KCNT2: variants seen among roughly 807,000 people sequenced by gnomAD.
The protein encoded by KCNT2 is potassium channel subfamily T member 2.
A neutral mutation model predicts 153.8 loss-of-function variants in KCNT2; 67 were observed. That is an observed-to-expected ratio of 0.44 (90% CI 0.36 to 0.53). The LOEUF (loss-of-function observed/expected upper bound fraction) is 0.53. Among genes scored for constraint, KCNT2 ranks in the 20% least tolerant of loss-of-function variants. The probability of loss-of-function intolerance (pLI) is 0.00; values close to 1 mark genes in which losing one functional copy is unlikely to be tolerated. For synonymous variants in KCNT2, 500 were observed against 458.8 expected, an observed-to-expected ratio of 1.09 and a Z score of -1.15; for missense variants, 975 against 1,354.8, an observed-to-expected ratio of 0.72 and a Z score of 4.40.
At chr1:196,399,802 C>T (rs1671256890) in intron 12 of KCNT2, among the ~76,000 whole-genome samples, 1 of 151,696 alleles carries the variant, frequency 6.6e-6, no homozygotes, top group Non-Finnish European at 1.5e-5. Context: ...GGGATTAATA[C>T]CCATATAAAA....
At position 196,428,132 on chromosome 1, in the gene KCNT2, A is replaced by G. The variant is rs780757603; in HGVS notation, c.957T>C (p.Asn319=). 3 of 1,612,654 alleles carry G rather than the reference A, an allele frequency of 1.9e-6. No homozygotes were observed. Among genetic ancestry groups the G allele is most frequent in the Non-Finnish European group, 2.5e-6 (3 of 1,179,116 alleles). ...GGAGCCTAGGATGAGCATAGAATTC[A>G]TTTAAAAAATCCATAAGTAAATCAA... ...LKIDLLMDFL[N]EFYAHPRLQD... is the part of the protein sequence containing the mutation. Residue 319 remains asparagine (N), a synonymous_variant, in exon 10 of 28, where the codon AAT becomes AAC. Transcript: ENST00000294725.
At position 196,540,792 on chromosome 1, in the gene KCNT2, C is replaced by A. The variant is rs186776008; in HGVS notation, c.96-48451G>T. Among the ~76,000 whole-genome samples the A allele has an allele frequency of 1.3e-3, 202 of 152,216 alleles. 2 individuals carry two copies. Among genetic ancestry groups the A allele is most frequent in the African/African-American group, 4.5e-3 (189 of 41,544 alleles). On this transcript the variant is annotated intron_variant, in intron 1 of 27. Transcript: ENST00000294725. ...ATTAAAGATATCTATTTAGGCCAGGCGCTGTGGCTCACGCCTGTAATCCCA... is the reference window on the plus strand; with the variant it reads ...ATTAAAGATATCTATTTAGGCCAGGAGCTGTGGCTCACGCCTGTAATCCCA...
At chr1:196,526,106 A>G (rs1654161666) in intron 1 of KCNT2, among the ~76,000 whole-genome samples, 1 of 151,014 alleles carries the variant, frequency 6.6e-6, no homozygotes, top group Non-Finnish European at 1.5e-5. Context: ...ACAGTCCCTG[A>G]CTTTGTGTTA....
chr1:196,308,300 C>T (rs1661832413), intron 21 of KCNT2, among the ~76,000 whole-genome samples: 1 of 151,942 alleles, frequency 6.6e-6, no homozygotes, highest in Non-Finnish European at 1.5e-5. Flanking sequence ...TGTATCCTCT[C>T]CTTCCCCAGG....
intron 1 of KCNT2, among the ~76,000 whole-genome samples, chr1:196,506,204 T>C (rs1426269155): frequency 6.6e-6 from 1 of 152,206 alleles, no homozygotes; most frequent in Non-Finnish European, 1.5e-5. Flanking sequence ...CCAGGTCTGA[T>C]AACTATTCTC....
At chr1:196,549,283 A>C (rs73069736) in intron 1 of KCNT2, among the ~76,000 whole-genome samples, 2,630 of 152,016 alleles carry the variant, frequency 0.017, 77 homozygotes, top group African/African-American at 0.059. Context: ...ATGGACCCTA[A>C]GTATTCCAAA....
Position 196,340,461 on chromosome 1 carries a change from T to C in KCNT2, c.1663A>G (p.Ile555Val). The change falls in exon 16 of 28, where the codon ATT (isoleucine) becomes GTT (valine). Residue 555 changes from isoleucine to valine, a missense_variant. Physicochemically the swap from Ile to Val is conservative, Grantham distance 29. This residue lies in a region of KCNT2 where 325 missense variants were observed against 388.1 expected (regional missense o/e 0.84). Transcript: ENST00000294725. ...NSTDICFYIN[I>V]TKEENSAFKN... ...AATGCTGAATTCTCTTCTTTGGTAA[T>C]ATTAATATAAAAGCATATGTCTGTA... 6.2e-7 allele frequency: 1 copy of C among 1,611,734 alleles called. No individual in the cohort carries two copies. Among genetic ancestry groups the C allele is most frequent in the Non-Finnish European group, 8.5e-7 (1 of 1,178,342 alleles).
At chr1:196,602,947 C>T (rs990919590) in intron 1 of KCNT2, among the ~76,000 whole-genome samples, 9 of 150,444 alleles carry the variant, frequency 6.0e-5, no homozygotes, top group South Asian at 2.1e-4. Flanking sequence ...CCACCGCGCC[C>T]GGCTAATTTT....
chr1:196,411,403 G>T (rs1476541868), intron 12 of KCNT2, among the ~76,000 whole-genome samples: 2 of 132,296 alleles, frequency 1.5e-5, no homozygotes, highest in African/African-American at 2.8e-5. Context: ...TGGATCTTTT[G>T]TGGTGCTATA....
At chr1:196,255,648 T>C (rs949920447) in intron 26 of KCNT2, among the ~76,000 whole-genome samples, 3 of 151,878 alleles carry the variant, frequency 2.0e-5, no homozygotes, top group South Asian at 2.1e-4. Context: ...TCACAATAAA[T>C]AGGATAAGTA....
intron 14 of KCNT2, among the ~76,000 whole-genome samples, chr1:196,359,966 A>T (rs1378257685): frequency 6.6e-6 from 1 of 152,050 alleles, no homozygotes; most frequent in Admixed American, 6.6e-5. Flanking sequence ...TTAATAATGA[A>T]TGCTGAACTA....
chr1:196,254,011 G>A (rs1656235396), intron 26 of KCNT2, among the ~76,000 whole-genome samples: 1 of 151,310 alleles, frequency 6.6e-6, no homozygotes, highest in Admixed American at 6.6e-5. Context: ...AAAAATTAAT[G>A]CTCTAGGAAG....
chr1:196,503,136 A>G (rs1680835783), intron 1 of KCNT2, among the ~76,000 whole-genome samples: 2 of 151,994 alleles, frequency 1.3e-5, no homozygotes, highest in Non-Finnish European at 2.9e-5. Flanking sequence ...AGGATTATGT[A>G]TCCTTACCAC....
At chr1:196,521,533 GGC>G (rs1445873313) in intron 1 of KCNT2, among the ~76,000 whole-genome samples, 2 of 152,032 alleles carry the variant, frequency 1.3e-5, no homozygotes, top group African/African-American at 4.8e-5. Flanking sequence ...CAATAGCAAA[GGC>G]ATGGAATCAA....
intron 1 of KCNT2, among the ~76,000 whole-genome samples, chr1:196,522,770 T>C (rs1262349335): frequency 2.0e-5 from 3 of 152,102 alleles, no homozygotes; most frequent in Non-Finnish European, 4.4e-5. Flanking sequence ...AATGCACCAA[T>C]CAGCACTCTG....
chr1:196,358,223 A>T (rs1033721069), intron 14 of KCNT2, among the ~76,000 whole-genome samples: 16 of 151,792 alleles, frequency 1.1e-4, no homozygotes, highest in African/African-American at 3.4e-4. Flanking sequence ...CTATGAGATT[A>T]TCTTCCAAAA....
intron 26 of KCNT2, among the ~76,000 whole-genome samples, chr1:196,248,239 A>G (rs947313991): frequency 6.6e-6 from 1 of 152,114 alleles, no homozygotes; most frequent in African/African-American, 2.4e-5. Flanking sequence ...ATCTTAAAGC[A>G]CTAGAAAGGC....
intron 13 of KCNT2, 84 bp downstream of exon 13, chr1:196,398,479 G>T (rs1671136703): frequency 1.6e-6 from 1 of 621,400 alleles, no homozygotes. Context: ...ACTTTAAGTT[G>T]CCACTTAGTT....
chr1:196,607,107 G>C (rs1665401596), intron 1 of KCNT2, among the ~76,000 whole-genome samples: 1 of 152,062 alleles, frequency 6.6e-6, no homozygotes, highest in Non-Finnish European at 1.5e-5. Flanking sequence ...AGTGTGTAGA[G>C]ACAGGAGTTG....
Sources: gnomAD v4.1 joint callset for allele counts (sites outside exome capture counted in the v4.1 genomes callset) on GRCh38, gnomAD v4.1.1 for gene constraint, gnomAD v4.1.1 regional missense constraint, MANE v1.5 for transcripts, NCBI Gene and HGNC (gene_info 2026-07-23, HGNC 2026-07-21) for gene names.